GULP1: variants seen among roughly 807,000 people sequenced by gnomAD.
GULP1 encodes the protein GULP PTB domain containing engulfment adaptor 1.
In GULP1, 19 loss-of-function variants were observed where a neutral mutation model predicts 40.9. The observed-to-expected ratio is 0.46, with a 90% CI of 0.32 to 0.68. The LOEUF (loss-of-function observed/expected upper bound fraction) is 0.68, where lower values mean the gene tolerates loss of function less well. GULP1 is among the 30% of genes least tolerant of loss of function. The probability of loss-of-function intolerance (pLI) is 0.03; values close to 1 mark genes in which losing one functional copy is unlikely to be tolerated. For synonymous variants in GULP1, 119 were observed against 117.6 expected (o/e 1.01, Z -0.08); for missense variants, 312 against 362.2 (o/e 0.86, Z 1.12).
At chr2:188,426,294 G>A (rs1028511802) in intron 2 of GULP1, among the ~76,000 whole-genome samples, 2 of 152,116 alleles carry the variant, frequency 1.3e-5, no homozygotes, top group Non-Finnish European at 2.9e-5. Context: ...AGATAAGATC[G>A]CTAGAGTTAA....
intron 7 of GULP1, among the ~76,000 whole-genome samples, chr2:188,560,759 C>T (rs1183791136): frequency 6.6e-6 from 1 of 152,154 alleles, no homozygotes; most frequent in Non-Finnish European, 1.5e-5. Context: ...TGACAGAAGG[C>T]AAAGCAGGTG....
chr2:188,298,470 A>G (rs2035468110), intron 1 of GULP1, among the ~76,000 whole-genome samples: 1 of 152,144 alleles, frequency 6.6e-6, no homozygotes, highest in South Asian at 2.1e-4. Context: ...CGTAAATGCA[A>G]TATGAAATGG....
intron 4 of GULP1, among the ~76,000 whole-genome samples, chr2:188,508,446 C>G (rs1453727367): frequency 6.6e-6 from 1 of 151,996 alleles, no homozygotes; most frequent in Admixed American, 6.6e-5. Flanking sequence ...GAGAATTAGG[C>G]TGTTTATTAG....
chr2:188,436,746 A>G (rs11683969), intron 2 of GULP1, among the ~76,000 whole-genome samples: 1,851 of 152,214 alleles, frequency 0.012, 16 homozygotes, highest in East Asian at 0.022. Flanking sequence ...TGAGTATAAT[A>G]TGTGTTCTGT....
chr2:188,588,014 G>A (rs544556345), intron 11 of GULP1, 65 bp downstream of exon 11: 2 of 854,166 alleles, frequency 2.3e-6, no homozygotes, highest in Non-Finnish European at 2.0e-6. Context: ...CAAAGAGAAT[G>A]TTATGTACCA....
intron 1 of GULP1, among the ~76,000 whole-genome samples, chr2:188,354,210 C>T (rs1371682180): frequency 6.6e-6 from 1 of 152,122 alleles, no homozygotes; most frequent in African/African-American, 2.4e-5. Context: ...TTTACCATCT[C>T]AGAGTCCAGA....
At chr2:188,439,400 A>G (rs1189488992) in intron 2 of GULP1, among the ~76,000 whole-genome samples, 1 of 152,202 alleles carries the variant, frequency 6.6e-6, no homozygotes, top group East Asian at 1.9e-4. Context: ...ATAAGCAGAC[A>G]AAGACGTATA....
At chr2:188,345,265 T>C (rs1408664725) in intron 1 of GULP1, among the ~76,000 whole-genome samples, 2 of 152,202 alleles carry the variant, frequency 1.3e-5, no homozygotes, top group Admixed American at 1.3e-4. Context: ...TTTTGCACTA[T>C]CTGCCAGTTG....
intron 1 of GULP1, among the ~76,000 whole-genome samples, chr2:188,379,259 T>C (rs549442758): frequency 6.6e-6 from 1 of 152,298 alleles, no homozygotes; most frequent in Admixed American, 6.5e-5. Context: ...GAAGAGTTTG[T>C]CATGTCTCAT....
chr2:188,466,982 A>C (rs2060180486), intron 2 of GULP1, among the ~76,000 whole-genome samples: 1 of 152,302 alleles, frequency 6.6e-6, no homozygotes, highest in Non-Finnish European at 1.5e-5. Flanking sequence ...AGAAGAAAAA[A>C]AAAAGTAGCA....
chr2:188,376,964 G>C (rs1165944648), intron 1 of GULP1, among the ~76,000 whole-genome samples: 1 of 152,194 alleles, frequency 6.6e-6, no homozygotes, highest in East Asian at 1.9e-4. Flanking sequence ...ATGAGGTCAG[G>C]ATTTCGAGAC....
chr2:188,528,666 T>C (rs1291384959), intron 5 of GULP1, among the ~76,000 whole-genome samples: 1 of 152,134 alleles, frequency 6.6e-6, no homozygotes, highest in Non-Finnish European at 1.5e-5. Flanking sequence ...TTGGATAGAA[T>C]AGTGTTCCAA....
At chr2:188,321,259 A>T (rs559647677) in intron 1 of GULP1, among the ~76,000 whole-genome samples, 3 of 152,254 alleles carry the variant, frequency 2.0e-5, no homozygotes, top group African/African-American at 7.2e-5. Context: ...TCAACACACC[A>T]ATCTTTATAT....
chr2:188,380,426 A>G (rs536990378), intron 1 of GULP1, among the ~76,000 whole-genome samples: 9 of 152,290 alleles, frequency 5.9e-5, no homozygotes, highest in African/African-American at 2.2e-4. Flanking sequence ...TGTATTAAGC[A>G]GAATTGAATT....
intron 1 of GULP1, among the ~76,000 whole-genome samples, chr2:188,335,675 G>T (rs985920303): frequency 6.6e-6 from 1 of 152,048 alleles, no homozygotes; most frequent in Non-Finnish European, 1.5e-5. Flanking sequence ...AGGATTTGAC[G>T]CAAAAAAATG....
chr2:188,400,405 G>T (rs181584221), intron 2 of GULP1, among the ~76,000 whole-genome samples: 31 of 152,302 alleles, frequency 2.0e-4, no homozygotes, highest in African/African-American at 7.2e-4. Context: ...ATGAACTTTT[G>T]TGGGGCACTA....
intron 7 of GULP1, among the ~76,000 whole-genome samples, chr2:188,566,396 C>T (rs1179355945): frequency 6.6e-6 from 1 of 151,962 alleles, no homozygotes; most frequent in Non-Finnish European, 1.5e-5. Context: ...AAAATGAGAA[C>T]ATGGTTTTTT....
At position 188,357,671 on chromosome 2, in the gene GULP1, C is replaced by T. The variant is rs556745983; in HGVS notation, c.-171-26092C>T. 2.0e-4 allele frequency among the ~76,000 whole-genome samples: 30 copies of T among 152,014 alleles called. 1 individual carries two copies. In the South Asian group the frequency reaches 6.0e-3, roughly 31 times the overall value. ...TCAAAAAAACTGAAAATAGAATTGCCGTATGATCAGCAGTCTCACTACTGG... is the reference window on the plus strand; with the variant it reads ...TCAAAAAAACTGAAAATAGAATTGCTGTATGATCAGCAGTCTCACTACTGG... On this transcript the variant is annotated intron_variant, in intron 1 of 11. Transcript: ENST00000409830.
rs189973414 is a variant in GULP1, at chr2:188,558,789, G to A, written c.400-10450G>A. Among the ~76,000 whole-genome samples the A allele has an allele frequency of 2.0e-4, 30 of 152,318 alleles. No individual in the cohort carries two copies. In the East Asian group the frequency reaches 5.0e-3, roughly 25 times the overall value. On this transcript the variant is annotated intron_variant, in intron 7 of 11. Transcript: ENST00000409830. ...CTGAAGCAGAGGTAACTCTTGTTAT[G>A]TTTTAACAAAGAGACTGGCAGCATT...
Sources: allele counts gnomAD v4.1 joint callset (sites outside exome capture counted in the v4.1 genomes callset), GRCh38; gene constraint gnomAD v4.1.1; transcripts MANE v1.5; gene names NCBI Gene and HGNC (gene_info 2026-07-23, HGNC 2026-07-21).